The following COX7A2L variants were observed in gnomAD, a reference collection of about 807,000 sequenced individuals.
COX7A2L encodes the protein cytochrome c oxidase subunit 7A2-like, mitochondrial.
Under a neutral mutation model 14.2 loss-of-function variants are expected in COX7A2L, and 18 were observed. That is an observed-to-expected ratio of 1.27 (90% confidence interval 0.88 to 1.88). The LOEUF (loss-of-function observed/expected upper bound fraction) is 1.88. Ranked by LOEUF, COX7A2L falls within the 40% of genes most tolerant of loss-of-function variation. The pLI is 0.00. For synonymous variants in COX7A2L, 65 were observed against 57.4 expected (o/e 1.13, Z -0.60); for missense variants, 179 against 138.8 (o/e 1.29, Z -1.46).
chr2:42,335,659 G>A (rs1220401313), intron 2 of COX7A2L, among the ~76,000 whole-genome samples: 1 of 152,226 alleles, frequency 6.6e-6, no homozygotes, highest in Non-Finnish European at 1.5e-5. Flanking sequence ...GAAGCCGACT[G>A]GCTGAGTTAC....
At chr2:42,368,089 T>G (rs762954120) in intron 1 of COX7A2L, among the ~76,000 whole-genome samples, 1 of 152,248 alleles carries the variant, frequency 6.6e-6, no homozygotes, top group Non-Finnish European at 1.5e-5. Flanking sequence ...GCAGAGCCTG[T>G]AAATCTGCCC....
At chr2:42,365,495 C>T (rs1671147027), upstream of COX7A2L, among the ~76,000 whole-genome samples, 1 of 152,050 alleles carries the variant, frequency 6.6e-6, no homozygotes, top group Admixed American at 6.6e-5. Flanking sequence ...GGCATGGTGG[C>T]ATGCATCTGT....
chr2:42,346,908 A>C (rs1670507903), downstream of COX7A2L, among the ~76,000 whole-genome samples: 3 of 152,000 alleles, frequency 2.0e-5, no homozygotes, highest in African/African-American at 7.3e-5. Flanking sequence ...TCTCCAGAGT[A>C]CTTTTTTTTA....
intron 1 of COX7A2L, among the ~76,000 whole-genome samples, chr2:42,367,871 A>G (rs773901547): frequency 7.2e-5 from 11 of 152,316 alleles, no homozygotes; most frequent in Non-Finnish European, 1.2e-4. Context: ...TTCCACCCCC[A>G]AACTGCAAGG....
At chr2:42,348,657 G>A (rs549215647), downstream of COX7A2L, among the ~76,000 whole-genome samples, 2 of 152,072 alleles carry the variant, frequency 1.3e-5, no homozygotes, top group Non-Finnish European at 1.5e-5. Context: ...GGTGACTCAC[G>A]CCTGTAATCC....
At chr2:42,343,932 T>G (rs538468477) in intron 2 of COX7A2L, among the ~76,000 whole-genome samples, 1 of 152,110 alleles carries the variant, frequency 6.6e-6, no homozygotes, top group Non-Finnish European at 1.5e-5. Context: ...AAAGTCACAC[T>G]GGATGAAGGG....
chr2:42,360,862 A>C, intron 1 of COX7A2L: 1 of 586,032 alleles, frequency 1.7e-6, no homozygotes, highest in Non-Finnish European at 3.0e-6. Context: ...GCAGTGAGCC[A>C]GACCAAACTT....
chr2:42,346,003 T>A (rs186636772), downstream of COX7A2L, among the ~76,000 whole-genome samples: 2 of 152,264 alleles, frequency 1.3e-5, no homozygotes, highest in East Asian at 3.9e-4. Flanking sequence ...GGCATAATCC[T>A]AACTCTGAGA....
At chr2:42,345,153 C>T (rs1046468061), downstream of COX7A2L, among the ~76,000 whole-genome samples, 4 of 151,956 alleles carry the variant, frequency 2.6e-5, no homozygotes, top group South Asian at 2.1e-4. Flanking sequence ...GAGGCTGAGG[C>T]GGGCAGATCA....
In COX7A2L at chr2:42,351,205, C is replaced by A. The variant is rs777071878; in HGVS notation, c.*14G>T. 1.2e-6 allele frequency: 2 copies of A among 1,610,618 alleles called. No individual in the cohort carries two copies. Among genetic ancestry groups the A allele is most frequent in the Non-Finnish European group, 1.7e-6 (2 of 1,178,404 alleles). ...GTTTATGCCAAAAAACAAACCAGTC[C>A]TCTGCAGCCTAACTCATTTGTTTTT... is the stretch of plus-strand genomic sequence containing the variant. On this transcript the variant is annotated 3_prime_UTR_variant, in exon 3 of 3. Coordinates refer to ENST00000234301, the MANE Select transcript of COX7A2L (RefSeq NM_004718.4).
At chr2:42,358,040 TA>T (rs1394374155) in intron 1 of COX7A2L, among the ~76,000 whole-genome samples, 1 of 152,202 alleles carries the variant, frequency 6.6e-6, no homozygotes, top group African/African-American at 2.4e-5. Flanking sequence ...ACAGTAAAAT[TA>T]CGTTTCCTTT....
downstream of COX7A2L, among the ~76,000 whole-genome samples, chr2:42,345,213 T>A (rs1670472071): frequency 6.6e-6 from 1 of 151,560 alleles, no homozygotes; most frequent in Non-Finnish European, 1.5e-5. Flanking sequence ...AGAAACCCTG[T>A]CTCTACTAAA....
At chr2:42,362,220 AAT>A (rs561364424), upstream of COX7A2L, among the ~76,000 whole-genome samples, 235 of 152,302 alleles carry the variant, frequency 1.5e-3, 1 homozygote, top group African/African-American at 5.4e-3. Flanking sequence ...GTTCAATTTA[AAT>A]ATGTCTGTTA....
chr2:42,353,608 C>T (rs756502208), intron 1 of COX7A2L, among the ~76,000 whole-genome samples: 4 of 152,128 alleles, frequency 2.6e-5, no homozygotes, highest in Admixed American at 6.5e-5. Flanking sequence ...TAATCTGTTA[C>T]GAACTTGTCA....
At chr2:42,364,817 C>T (rs543304734), upstream of COX7A2L, among the ~76,000 whole-genome samples, 5 of 152,166 alleles carry the variant, frequency 3.3e-5, no homozygotes, top group Non-Finnish European at 7.3e-5. Context: ...GCTGGGATTG[C>T]AGTTGCCGGG....
At chr2:42,363,442 C>T (rs903878174), upstream of COX7A2L, among the ~76,000 whole-genome samples, 1 of 152,216 alleles carries the variant, frequency 6.6e-6, no homozygotes, top group African/African-American at 2.4e-5. Context: ...TTTAGCAGCA[C>T]TAAGGTGTAC....
At chr2:42,337,597 G>A (rs115181777) in intron 2 of COX7A2L, among the ~76,000 whole-genome samples, 1,963 of 152,150 alleles carry the variant, frequency 0.013, 36 homozygotes, top group African/African-American at 0.045. Context: ...GAAAACCAAG[G>A]AAGCCTGTGG....
At chr2:42,340,036 T>C (rs975411716) in intron 2 of COX7A2L, among the ~76,000 whole-genome samples, 26 of 152,160 alleles carry the variant, frequency 1.7e-4, no homozygotes, top group African/African-American at 6.0e-4. Flanking sequence ...CACCTGTATA[T>C]TCGGTCTCGA....
At chr2:42,343,924 A>C (rs1195513224) in intron 2 of COX7A2L, among the ~76,000 whole-genome samples, 2 of 152,254 alleles carry the variant, frequency 1.3e-5, no homozygotes, top group Non-Finnish European at 2.9e-5. Context: ...TTCACAGCAA[A>C]GTCACACTGG....
Sources: allele counts gnomAD v4.1 joint callset (sites outside exome capture counted in the v4.1 genomes callset), GRCh38; gene constraint gnomAD v4.1.1; transcripts MANE v1.5; gene names NCBI Gene and HGNC (gene_info 2026-07-23, HGNC 2026-07-21).